NFE2L1: variants seen among roughly 807,000 people sequenced by gnomAD.
NFE2L1 encodes endoplasmic reticulum membrane sensor NFE2L1.
Under a neutral mutation model 61.6 loss-of-function variants are expected in NFE2L1, and 18 were observed. The ratio of observed to expected loss-of-function variants is 0.29; its 90% confidence interval spans 0.20 to 0.43. NFE2L1 has a LOEUF of 0.43. Among genes scored for constraint, NFE2L1 ranks in the 20% least tolerant of loss-of-function variants. The pLI is 1.00. For missense variants in NFE2L1, 827 were observed against 973.5 expected, an observed-to-expected ratio of 0.85 and a Z score of 2.00; for synonymous variants, 419 against 402.7, an observed-to-expected ratio of 1.04 and a Z score of -0.48.
intron 2 of NFE2L1, among the ~76,000 whole-genome samples, chr17:48,053,147 G>T (rs574145937): frequency 1.3e-5 from 2 of 152,248 alleles, no homozygotes; most frequent in East Asian, 3.9e-4. Flanking sequence ...GTGTAACTGG[G>T]TTTGCTCCTG....
intron 2 of NFE2L1, chr17:48,055,003 G>A: frequency 6.6e-7 from 1 of 1,512,256 alleles, no homozygotes; most frequent in Non-Finnish European, 8.8e-7. Context: ...CTGCCCTGGG[G>A]CTCATCTCGC....
At chr17:48,053,125 C>T (rs1462692530) in intron 2 of NFE2L1, among the ~76,000 whole-genome samples, 1 of 152,120 alleles carries the variant, frequency 6.6e-6, no homozygotes, top group East Asian at 1.9e-4. Context: ...AGGGTAGCTC[C>T]CCCAGGGGTG....
At chr17:48,057,550 T>G (rs376157404) in intron 5 of NFE2L1, 48 bp downstream of exon 5, 15 of 1,580,654 alleles carry the variant, frequency 9.5e-6, no homozygotes, top group African/African-American at 1.4e-5. Flanking sequence ...TTGCACAGAT[T>G]GTCTTAGCAC....
At position 48,059,336 on chromosome 17, in the gene NFE2L1, C is replaced by T. The variant is rs1355826402; in HGVS notation, c.2014C>T (p.Arg672Cys). The T allele has an allele frequency of 6.2e-7, 1 of 1,614,198 alleles. No individual in the cohort carries two copies. The highest frequency in any genetic ancestry group is 8.5e-7 in the Non-Finnish European group (1 of 1,180,048). ...GAACAAGATGGCGGCGCAGAACTGCCGCAAGCGCAAGCTGGACACCATCCT... is the reference window on the plus strand; with the variant it reads ...GAACAAGATGGCGGCGCAGAACTGCTGCAAGCGCAAGCTGGACACCATCCT... Reference protein sequence around the residue: ...GKNKMAAQNCRKRKLDTILNL... With the variant: ...GKNKMAAQNCCKRKLDTILNL... The change falls in exon 6 of 6, where the codon CGC (arginine) becomes TGC (cysteine). Residue 672 changes from arginine to cysteine, a missense_variant. Arg to Cys is a radical substitution (Grantham distance 180, BLOSUM62 -3). Coordinates refer to ENST00000362042, the MANE Select transcript of NFE2L1 (RefSeq NM_003204.3). The surrounding 1 kb of genome is among the most constrained non-coding windows in gnomAD (Gnocchi z 6.1).
At position 48,060,576 on chromosome 17, in the gene NFE2L1, G is replaced by C. The variant is rs746167029; in HGVS notation, c.*935G>C. The C allele has an allele frequency of 3.3e-5, 5 of 152,888 alleles. No homozygotes were observed. Among genetic ancestry groups the C allele is most frequent in the African/African-American group, 4.8e-5 (2 of 41,452 alleles). The allele number at this position is 152,888 out of a possible 1,614,324, so 9.5% of individuals were successfully genotyped here. A position where few individuals can be genotyped will look rare whatever the true frequency, so the allele number is the denominator to read the frequency against. On this transcript the variant is annotated 3_prime_UTR_variant, in exon 6 of 6. Transcript: ENST00000362042. The stretch of plus-strand genomic sequence containing the variant: ...ACTGCCTGAGCTCTTCTGTAAGCTG[G>C]GGTAGGGTGATGGCAGTGCTCCGGG...
rs767415504 is a variant in NFE2L1 at position 48,058,497 on chromosome 17, C to T, written c.1175C>T (p.Thr392Met). The change falls in exon 6 of 6, where the codon ACG becomes ATG. Residue 392 changes from threonine to methionine, a missense_variant. This residue lies in a region of NFE2L1 where 667 missense variants were observed against 748.4 expected (regional missense o/e 0.89). Transcript: ENST00000362042. ...AGCCTGCCTGTGGCCAGTAGCTCCA[C>T]GCTGCTCCCGTTGGCCCCCAGCAAT... is the stretch of plus-strand genomic sequence containing the variant. ...VESLPVASSSTLLPLAPSNST... is the reference protein window; with the variant it reads ...VESLPVASSSMLLPLAPSNST... The T allele has an allele frequency of 4.6e-5, 74 of 1,612,982 alleles. No homozygotes were observed. The highest frequency in any genetic ancestry group is 1.5e-4 in the Admixed American group (9 of 59,940).
At chr17:48,055,322 T>G (rs369244196) in intron 2 of NFE2L1, among the ~76,000 whole-genome samples, 1 of 152,072 alleles carries the variant, frequency 6.6e-6, no homozygotes, top group South Asian at 2.1e-4. Flanking sequence ...GGCAACACTT[T>G]AGGGTTTCTT....
intron 1 of NFE2L1, among the ~76,000 whole-genome samples, chr17:48,049,601 C>T (rs1567749577): frequency 2.0e-5 from 3 of 152,236 alleles, no homozygotes; most frequent in Non-Finnish European, 4.4e-5. Context: ...CCATGTTGTT[C>T]AGGCTGGTCT....
At position 48,056,436 on chromosome 17, in the gene NFE2L1, T is replaced by C; in HGVS notation, c.561T>C (p.Ala187=). ...ILWRQDIDLG[A]GREVFDYSHR... is the part of the protein sequence containing the mutation. ...GGCGACAGGATATTGATCTGGGGGC[T>C]GGGCGTGAGGTTTTTGACTATAGTC... is the stretch of plus-strand genomic sequence containing the variant. The change falls in exon 3 of 6, where the codon GCT becomes GCC. Residue 187 remains alanine, a synonymous_variant. Coordinates refer to ENST00000362042, the MANE Select transcript of NFE2L1 (RefSeq NM_003204.3). The C allele has an allele frequency of 6.2e-7, 1 of 1,614,176 alleles. No homozygotes were observed. Among genetic ancestry groups the C allele is most frequent in the Non-Finnish European group, 8.5e-7 (1 of 1,180,024 alleles).
At position 48,058,467 on chromosome 17, in the gene NFE2L1, T is replaced by C. The variant is rs1460883375; in HGVS notation, c.1145T>C (p.Val382Ala). ...GACTTCTTACTCTTCAGCCCCGAGG[T>C]GGAAAGCCTGCCTGTGGCCAGTAGC... ...SQDFLLFSPE[V>A]ESLPVASSST... The change falls in exon 6 of 6, where the codon GTG becomes GCG. Residue 382 changes from valine (V) to alanine (A), a missense_variant. By Grantham distance (64) the Val-to-Ala change is moderately conservative. Around this residue, in one of 3 missense-constraint regions of NFE2L1, gnomAD observed 667 missense variants for 748.4 expected, o/e 0.89. Transcript: ENST00000362042. 6.2e-7 allele frequency: 1 copy of C among 1,613,800 alleles called. No individual in the cohort carries two copies. The highest frequency in any genetic ancestry group is 1.1e-5 in the South Asian group (1 of 91,046).
At chr17:48,058,220 G>A (rs1359530714) in intron 5 of NFE2L1, 75 bp from the exon 6 acceptor site, 4 of 1,501,848 alleles carry the variant, frequency 2.7e-6, no homozygotes, top group Non-Finnish European at 3.6e-6. Context: ...TGCCTCTGTT[G>A]GGTGCCTGCA....
Position 48,056,263 on chromosome 17 carries a change from T to C in NFE2L1, c.511-123T>C, listed in dbSNP as rs1598288526. The C allele has an allele frequency of 3.1e-6, 3 of 961,796 alleles. No individual in the cohort carries two copies. The East Asian group carries it at 7.2e-5, about 23-fold the overall frequency. 59.6% of individuals were successfully genotyped at this position (961,796 alleles called of 1,614,324 possible). On this transcript the variant is annotated intron_variant, in intron 2 of 5. Transcript: ENST00000362042. ...GGACCAGGGGGTAAAGGCTGGCAGG[T>C]GAAGAGCTGGGAGGGGCCCCACCCA...
chr17:48,048,942 C>T (rs1161971280), intron 1 of NFE2L1: 1 of 152,654 alleles, frequency 6.6e-6, no homozygotes, highest in African/African-American at 2.4e-5. Context: ...TGTCCGGTTC[C>T]TCGAACTTAA....
At position 48,050,625 on chromosome 17, in the gene NFE2L1, C is replaced by G. The variant is rs945006052; in HGVS notation, c.-494C>G. The G allele has an allele frequency of 1.5e-5, 6 of 411,626 alleles. No individual in the cohort carries two copies. The East Asian group carries it at 1.7e-4, about 12-fold the overall frequency. 25.5% of individuals were successfully genotyped at this position (411,626 alleles called of 1,614,324 possible). On this transcript the variant is annotated 5_prime_UTR_variant, in exon 2 of 6. Coordinates refer to ENST00000362042, the MANE Select transcript of NFE2L1 (RefSeq NM_003204.3). Reference sequence around the variant, plus strand: ...ATTTCAGGTTTCTCTGGAAACCCCCCTGGTAAGTGTGGAGGAGGCGGGACA... The same window carrying G: ...ATTTCAGGTTTCTCTGGAAACCCCCGTGGTAAGTGTGGAGGAGGCGGGACA...
At chr17:48,058,175 G>T in intron 5 of NFE2L1, 120 bp from the exon 6 acceptor site, 1 of 1,405,862 alleles carries the variant, frequency 7.1e-7, no homozygotes. Context: ...GTGGGCTTTG[G>T]TTTATAGTAT....
chr17:48,057,399 C>G lies in NFE2L1; in HGVS notation c.869C>G (p.Pro290Arg), dbSNP rs1174881895. Residue 290 changes from proline (P) to arginine (R), a missense_variant, in exon 5 of 6, where the codon CCT (proline) becomes CGT (arginine). Physicochemically the swap from Pro to Arg is moderately radical, Grantham distance 103. Around this residue, in one of 3 missense-constraint regions of NFE2L1, gnomAD observed 667 missense variants for 748.4 expected, o/e 0.89. Coordinates refer to ENST00000362042, the MANE Select transcript of NFE2L1 (RefSeq NM_003204.3). Reference sequence around the variant, plus strand: ...GCAGTGCCTAGTGAGAGTGAGCCCCCTGCTCTTCAAAACAACCTCTTGTCT... The same window carrying G: ...GCAGTGCCTAGTGAGAGTGAGCCCCGTGCTCTTCAAAACAACCTCTTGTCT... ...TEAVPSESEP[P>R]ALQNNLLSPL... The G allele has an allele frequency of 1.2e-6, 2 of 1,614,094 alleles. No individual in the cohort carries two copies.
At chr17:48,056,068 T>G in intron 2 of NFE2L1, 2 of 306,676 alleles carry the variant, frequency 6.5e-6, no homozygotes, top group Non-Finnish European at 1.2e-5. Context: ...CCTTCTTTCT[T>G]ATGTAGGGGG....
chr17:48,057,856 C>G (rs966522099), intron 5 of NFE2L1, among the ~76,000 whole-genome samples: 7 of 152,194 alleles, frequency 4.6e-5, no homozygotes, highest in Non-Finnish European at 2.9e-5. Flanking sequence ...CGTTCGCTCA[C>G]TTGGCCCTCA....
intron 2 of NFE2L1, among the ~76,000 whole-genome samples, chr17:48,053,847 A>AG (rs139393864): frequency 0.02 from 3,007 of 151,998 alleles, 45 homozygotes; most frequent in Non-Finnish European, 0.031. Context: ...GTGAAAGGGG[A>AG]GGGGGGACAT....
Sources: allele counts gnomAD v4.1 joint callset (sites outside exome capture counted in the v4.1 genomes callset), GRCh38; gene constraint gnomAD v4.1.1; regional missense constraint gnomAD v4.1.1; non-coding constraint Gnocchi (gnomAD v3.1); transcripts MANE v1.5; gene names NCBI Gene and HGNC (gene_info 2026-07-23, HGNC 2026-07-21).